The following FBN3 variants were observed in gnomAD, a reference collection of about 807,000 sequenced individuals.
FBN3 encodes fibrillin-3.
In FBN3, 234 loss-of-function variants were observed where a neutral mutation model predicts 330.1. The observed-to-expected ratio is 0.71, with a 90% CI of 0.64 to 0.79. The LOEUF is 0.79. FBN3 is among the 30% of genes least tolerant of loss of function. The probability of loss-of-function intolerance (pLI) is 0.00; values close to 1 mark genes in which losing one functional copy is unlikely to be tolerated. For missense variants in FBN3, 3,606 were observed against 3,886.9 expected, an observed-to-expected ratio of 0.93 and a Z score of 1.92; for synonymous variants, 1,458 against 1,517.3, an observed-to-expected ratio of 0.96 and a Z score of 0.91.
intron 59 of FBN3, among the ~76,000 whole-genome samples, chr19:8,079,531 G>A (rs1305588895): frequency 2.0e-5 from 3 of 152,222 alleles, no homozygotes; most frequent in East Asian, 3.9e-4. Context: ...CTGAACTCCT[G>A]CTTTTACTTT....
At position 8,083,292 on chromosome 19, in the gene FBN3, A is replaced by T; in HGVS notation, c.7168T>A (p.Cys2390Ser). The change falls in exon 57 of 64, where the codon TGT becomes AGT. Residue 2390 changes from cysteine to serine, a missense_variant. Coordinates refer to ENST00000600128, the MANE Select transcript of FBN3 (RefSeq NM_032447.5). ...INSLGSFRCH[C>S]QAGYTPDATA... ...GCATCCGGTGTGTACCCGGCCTGAC[A>T]GTGGCAGCGGAAGGAGCCAAGGCTG... 1 of 1,614,150 alleles carries T rather than the reference A, an allele frequency of 6.2e-7. No individual in the cohort carries two copies. The highest frequency in any genetic ancestry group is 8.5e-7 in the Non-Finnish European group (1 of 1,180,028).
chr19:8,091,421 C>T (rs369617576), intron 48 of FBN3, 44 bp downstream of exon 48: 173 of 1,606,668 alleles, frequency 1.1e-4, no homozygotes, highest in African/African-American at 5.5e-4. Flanking sequence ...GACCCTTCCC[C>T]GCCCCACTTC....
rs138786871 is a variant in FBN3, at chr19:8,148,363, G to A, written c.-17-866C>T. Among the ~76,000 whole-genome samples the A allele has an allele frequency of 7.2e-5, 11 of 152,300 alleles. No homozygotes were observed. The East Asian group carries it at 2.1e-3, about 29-fold the overall frequency. ...AGGGGCTGGAACTTCCCAATGCAGA[G>A]AGTAACCCTGTGCCCAGCAGGGAAG... On this transcript the variant is annotated intron_variant, in intron 1 of 63. Coordinates refer to ENST00000600128, the MANE Select transcript of FBN3 (RefSeq NM_032447.5).
Position 8,131,851 on chromosome 19 carries a change from G to T in FBN3, c.1715-22C>A. The T allele has an allele frequency of 6.4e-7, 1 of 1,559,170 alleles. No homozygotes were observed. Among genetic ancestry groups the T allele is most frequent in the East Asian group, 2.3e-5 (1 of 43,914 alleles). ...ATGTCTGCAGAAGCAGTGGCGGCAC[G>T]GGGATGGGTTCCAGCGTGCTCCCTT... On this transcript the variant is annotated intron_variant, in intron 14 of 63. Transcript: ENST00000600128. The surrounding 1 kb of genome is among the most constrained non-coding windows in gnomAD (Gnocchi z 4.5).
intron 7 of FBN3, 33 bp from the exon 8 acceptor site, chr19:8,141,875 G>A (rs1464882336): frequency 6.2e-7 from 1 of 1,612,598 alleles, no homozygotes; most frequent in African/African-American, 1.3e-5. Flanking sequence ...GGGAGTGAGA[G>A]GCCCATCGGA....
In FBN3 at chr19:8,126,706, C is replaced by T. The variant is rs114251933; in HGVS notation, c.2416+7G>A. The T allele has an allele frequency of 1.1e-3, 1,769 of 1,581,730 alleles. 24 individuals are homozygous for T. The African/African-American group carries it at 0.022, about 20-fold the overall frequency. ...CTGGAACGCCGTCGGGCTCCGGGGCCGCTCACCTAGACAGAAGGTACCAGA... is the reference window on the plus strand; with the variant it reads ...CTGGAACGCCGTCGGGCTCCGGGGCTGCTCACCTAGACAGAAGGTACCAGA... On this transcript the variant is annotated splice_region_variant and intron_variant, in intron 19 of 63. Transcript: ENST00000600128.
Position 8,129,506 on chromosome 19 carries a change from C to G in FBN3, c.2045-141G>C. ...GCTCCAGCCCAGACCCGGCCTCATT[C>G]TGCTCTAAACCGAGGTTTCTCAGCC... On this transcript the variant is annotated intron_variant, in intron 16 of 63. Transcript: ENST00000600128. This position sits in a 1 kb window ranked among gnomAD's most constrained non-coding sequence, Gnocchi z 4.5. 1 of 1,107,132 alleles carries G rather than the reference C, an allele frequency of 9.0e-7. No individual in the cohort carries two copies. The highest frequency in any genetic ancestry group is 1.3e-6 in the Non-Finnish European group (1 of 783,776). The allele number at this position is 1,107,132 out of a possible 1,614,324, so 68.6% of individuals were successfully genotyped here.
intron 30 of FBN3, among the ~76,000 whole-genome samples, chr19:8,115,208 CAGG>C (rs1272526341): frequency 5.3e-5 from 8 of 152,196 alleles, no homozygotes; most frequent in African/African-American, 1.9e-4. Flanking sequence ...ATGGCAGCCA[CAGG>C]GAACTAACAC....
At position 8,137,879 on chromosome 19, in the gene FBN3, C is replaced by T. The variant is rs1286807066; in HGVS notation, c.1201+262G>A. On this transcript the variant is annotated intron_variant, in intron 10 of 63. Coordinates refer to ENST00000600128, the MANE Select transcript of FBN3 (RefSeq NM_032447.5). ...CTGGCCTCAAGTGATCCTTCCACCT[C>T]GGCCTCCCAAAGTACTGGGATTATA... 4.6e-5 allele frequency among the ~76,000 whole-genome samples: 7 copies of T among 152,238 alleles called. No individual in the cohort carries two copies. In the South Asian group the frequency reaches 1.2e-3, roughly 27 times the overall value.
Position 8,089,564 on chromosome 19 carries a change from G to C in FBN3, c.6357C>G (p.Phe2119Leu). 6.2e-7 allele frequency: 1 copy of C among 1,614,178 alleles called. No homozygotes were observed. Among genetic ancestry groups the C allele is most frequent in the African/African-American group, 1.3e-5 (1 of 75,066 alleles). The part of the protein sequence containing the change: ...CECPFGYSLD[F>L]TGINCVDTDE... Reference sequence around the variant, plus strand: ...ACTCACCCACACAGTTGATGCCAGTGAAGTCCAGGCTGTAGCCAAAGGGAC... The same window carrying C: ...ACTCACCCACACAGTTGATGCCAGTCAAGTCCAGGCTGTAGCCAAAGGGAC... The change falls in exon 51 of 64, where the codon TTC (phenylalanine) becomes TTG (leucine). Residue 2119 changes from phenylalanine to leucine, a missense_variant. Transcript: ENST00000600128.
At chr19:8,094,413 G>C in intron 47 of FBN3, 33 bp downstream of exon 47, 1 of 1,583,548 alleles carries the variant, frequency 6.3e-7, no homozygotes, top group Middle Eastern at 1.7e-4. Context: ...GCACTCCCTG[G>C]CGCCAGAAAC....
Position 8,085,270 on chromosome 19 carries a change from C to A in FBN3, c.7087+93G>T, listed in dbSNP as rs146318956. 990 of 1,004,234 alleles carry A rather than the reference C, an allele frequency of 9.9e-4. 8 individuals carry two copies. The African/African-American group carries it at 0.015, about 15-fold the overall frequency. 62.2% of individuals were successfully genotyped at this position (1,004,234 alleles called of 1,614,324 possible). A position where few individuals can be genotyped will look rare whatever the true frequency, so the allele number is the denominator to read the frequency against. ...ACACACACACACAGTGTGGCTCACA[C>A]ATTCCAGCACCTGCTGCAGTACAGA... On this transcript the variant is annotated intron_variant, in intron 56 of 63. Coordinates refer to ENST00000600128, the MANE Select transcript of FBN3 (RefSeq NM_032447.5).
chr19:8,103,622 T>A lies in FBN3; in HGVS notation c.4879A>T (p.Asn1627Tyr). The A allele has an allele frequency of 1.2e-6, 2 of 1,613,674 alleles. No individual in the cohort carries two copies. Among genetic ancestry groups the A allele is most frequent in the Non-Finnish European group, 1.7e-6 (2 of 1,179,768 alleles). Residue 1627 changes from asparagine to tyrosine, a missense_variant, in exon 39 of 64, where the codon AAC (asparagine) becomes TAC (tyrosine). Transcript: ENST00000600128. ...TCTGCAGGGCAGACACAGGTGTAGT[T>A]CCCCAGGGTGTTGTAGCAGGTGCCA... ...GPGTCYNTLG[N>Y]YTCVCPAEYL...
intron 1 of FBN3, 120 bp from the exon 2 acceptor site, chr19:8,147,617 C>A: frequency 1.3e-6 from 1 of 796,704 alleles, no homozygotes; most frequent in East Asian, 3.0e-5. Context: ...CTCTGGGAGC[C>A]CAAGGAGGCA....
Position 8,129,582 on chromosome 19 carries a change from TC to T in FBN3, c.2045-218del, listed in dbSNP as rs933402574. The stretch of plus-strand genomic sequence containing the variant: ...GATCATTTTTTGCTGTGAGGGGCCA[TC>T]CCACGCATTTTAGGATGTCGAGCAG... On this transcript the variant is annotated intron_variant, in intron 16 of 63. Transcript: ENST00000600128. The surrounding 1 kb of genome is among the most constrained non-coding windows in gnomAD (Gnocchi z 4.5). Among the ~76,000 whole-genome samples the T allele has an allele frequency of 3.3e-5, 5 of 152,118 alleles. No homozygotes were observed. The highest frequency in any genetic ancestry group is 1.2e-4 in the African/African-American group (5 of 41,426).
Position 8,133,000 on chromosome 19 carries a change from G to A in FBN3, c.1698C>T (p.Gly566=), listed in dbSNP as rs192697571. The A allele has an allele frequency of 1.6e-5, 25 of 1,566,748 alleles. No homozygotes were observed. Among genetic ancestry groups the A allele is most frequent in the Admixed American group, 1.1e-4 (6 of 53,138 alleles). Residue 566 remains glycine (G), a synonymous_variant, in exon 14 of 64, where the codon GGC becomes GGT. Coordinates refer to ENST00000600128, the MANE Select transcript of FBN3 (RefSeq NM_032447.5). The part of the protein sequence containing the change: ...LCKPGFLLAP[G]GHYCMDIDEC... ...CAGGCTCACCCATGCAGTAGTGGCC[G>A]CCAGGCGCCAGCAGGAAGCCGGGTT...
chr19:8,106,081 C>G, intron 38 of FBN3, 27 bp downstream of exon 38: 1 of 1,613,128 alleles, frequency 6.2e-7, no homozygotes, highest in Non-Finnish European at 8.5e-7. Flanking sequence ...AAGAGCCTGA[C>G]CCACCCCAAA....
intron 59 of FBN3, among the ~76,000 whole-genome samples, chr19:8,078,792 T>TC (rs56317214): frequency 0.037 from 4,850 of 129,340 alleles, 86 homozygotes; most frequent in African/African-American, 0.063. Flanking sequence ...TCTCTCTCTC[T>TC]TTTTTTTTTT....
In FBN3 at chr19:8,136,193, C is replaced by G. The variant is rs201458670; in HGVS notation, c.1462G>C (p.Val488Leu). 1.9e-6 allele frequency: 3 copies of G among 1,613,622 alleles called. No individual in the cohort carries two copies. In the Admixed American group the frequency reaches 5.0e-5, roughly 27 times the overall value. ...ACTCTTGGATGGACAGCCGTACCCACGCATGCCTGCCTGGTGGGCGTGGCC... is the reference window on the plus strand; with the variant it reads ...ACTCTTGGATGGACAGCCGTACCCAGGCATGCCTGCCTGGTGGGCGTGGCC... ...FQATPTRQAC[V>L]DVDECIVSGG... The change falls in exon 12 of 64, where the codon GTG becomes CTG. Residue 488 changes from valine (V) to leucine (L), a missense_variant. Physicochemically the swap from Val to Leu is conservative, Grantham distance 32. Coordinates refer to ENST00000600128, the MANE Select transcript of FBN3 (RefSeq NM_032447.5).
Sources: allele counts gnomAD v4.1 joint callset (sites outside exome capture counted in the v4.1 genomes callset), GRCh38; gene constraint gnomAD v4.1.1; non-coding constraint Gnocchi (gnomAD v3.1); transcripts MANE v1.5; gene names NCBI Gene and HGNC (gene_info 2026-07-23, HGNC 2026-07-21).